WDR35: variants seen among roughly 807,000 people sequenced by gnomAD.
WDR35 encodes the protein WD repeat domain 35.
A neutral mutation model predicts 158.3 loss-of-function variants in WDR35; 118 were observed. That is an observed-to-expected ratio of 0.75 (90% CI 0.64 to 0.87). The LOEUF is 0.87. Among genes scored for constraint, WDR35 ranks in the 40% least tolerant of loss-of-function variants. The pLI is 0.00. For synonymous variants in WDR35, 448 were observed against 476.1 expected, an observed-to-expected ratio of 0.94 and a Z score of 0.77; for missense variants, 1,263 against 1,405.8, an observed-to-expected ratio of 0.90 and a Z score of 1.62.
At chr2:19,975,724 A>T (rs530524189) in intron 5 of WDR35, 61 bp from the exon 6 acceptor site, 3 of 1,608,428 alleles carry the variant, frequency 1.9e-6, no homozygotes, top group Non-Finnish European at 2.6e-6. Context: ...CGGCTTTCGA[A>T]ATCTTTGTTT....
chr2:19,953,698 G>A, intron 12 of WDR35, 136 bp downstream of exon 12: 1 of 1,144,136 alleles, frequency 8.7e-7, no homozygotes, highest in Non-Finnish European at 1.3e-6. Context: ...AAATTTTAAA[G>A]ATAATCAAAT....
At chr2:19,931,714 T>C (rs1670531232) in intron 23 of WDR35, among the ~76,000 whole-genome samples, 1 of 152,180 alleles carries the variant, frequency 6.6e-6, no homozygotes, top group African/African-American at 2.4e-5. Context: ...AATGCTGGTA[T>C]TTTCCATAAT....
chr2:19,966,801 C>A lies in WDR35; in HGVS notation c.1117G>T (p.Val373Leu). ...TKNNEKYVKY[V>L]KGLISITTCG... ...GTAGTAATAGAAATGAGACCCTTCACATATTTAACATATTTTTCATTGTTT... is the reference window on the plus strand; with the variant it reads ...GTAGTAATAGAAATGAGACCCTTCAAATATTTAACATATTTTTCATTGTTT... The change falls in exon 10 of 27, where the codon GTG becomes TTG. Residue 373 changes from valine to leucine, a missense_variant. Coordinates refer to ENST00000281405, the MANE Select transcript of WDR35 (RefSeq NM_020779.4). 1 of 1,613,954 alleles carries A rather than the reference C, an allele frequency of 6.2e-7. No homozygotes were observed. Among genetic ancestry groups the A allele is most frequent in the South Asian group, 1.1e-5 (1 of 91,058 alleles).
intron 17 of WDR35, 99 bp from the exon 18 acceptor site, chr2:19,938,500 A>T (rs1299025229): frequency 6.9e-6 from 10 of 1,443,592 alleles, no homozygotes; most frequent in African/African-American, 1.4e-5. Flanking sequence ...AACAAGAAAA[A>T]AAACGGCATC....
At chr2:19,982,887 T>C (rs1672430176) in intron 2 of WDR35, among the ~76,000 whole-genome samples, 1 of 152,168 alleles carries the variant, frequency 6.6e-6, no homozygotes, top group South Asian at 2.1e-4. Context: ...ACTTTGAAAA[T>C]GGGTTTTTAC....
chr2:19,973,823 C>T (rs1672107217), intron 7 of WDR35, 115 bp from the exon 8 acceptor site: 2 of 1,430,744 alleles, frequency 1.4e-6, no homozygotes, highest in South Asian at 1.2e-5. Flanking sequence ...TTTAAAAAAA[C>T]AGGGCTGGGT....
intron 25 of WDR35, among the ~76,000 whole-genome samples, chr2:19,929,525 T>A (rs1670462803): frequency 6.6e-6 from 1 of 152,206 alleles, no homozygotes; most frequent in South Asian, 2.1e-4. Flanking sequence ...GCTTACAACA[T>A]AATTATCATA....
At chr2:19,938,860 A>G (rs997592021) in intron 17 of WDR35, among the ~76,000 whole-genome samples, 5 of 151,842 alleles carry the variant, frequency 3.3e-5, no homozygotes, top group Admixed American at 3.3e-4. Flanking sequence ...AGCACCCCTA[A>G]CTCTTTTCTG....
At chr2:19,967,671 TAAACCATG>T (rs1245981269) in intron 9 of WDR35, among the ~76,000 whole-genome samples, 2 of 152,104 alleles carry the variant, frequency 1.3e-5, no homozygotes, top group African/African-American at 4.8e-5. Context: ...CAAACTAAGC[TAAACCATG>T]TTTAGCTTTT....
chr2:19,969,346 T>C (rs1671961065), intron 9 of WDR35, 134 bp downstream of exon 9: 3 of 922,188 alleles, frequency 3.3e-6, no homozygotes, highest in Non-Finnish European at 4.8e-6. Context: ...AGTTTACTAG[T>C]TCTAAAATCT....
intron 13 of WDR35, among the ~76,000 whole-genome samples, chr2:19,949,653 G>A (rs2103421131): frequency 6.6e-6 from 1 of 152,276 alleles, no homozygotes; most frequent in South Asian, 2.1e-4. Flanking sequence ...AAGACACACA[G>A]TATTTCCATT....
rs1346258672 is a variant in WDR35 at position 19,978,844 on chromosome 2, T to TATTTCGATTG, written c.333_342dup (p.Lys115GlnfsTer4). ...CAGCTCATACTGCGAACAACTGATT[T>TATTTCGATTG]ATTTCGATTGTTGATCATCTCCTCA... On this transcript the variant is annotated frameshift_variant, in exon 5 of 27. Transcript: ENST00000281405. LOFTEE classifies it high-confidence loss of function. 1 of 1,613,734 alleles carries TATTTCGATTG rather than the reference T, an allele frequency of 6.2e-7. No individual in the cohort carries two copies. The highest frequency in any genetic ancestry group is 2.2e-5 in the East Asian group (1 of 44,844).
chr2:19,969,130 C>T (rs1487108406), intron 9 of WDR35, among the ~76,000 whole-genome samples: 3 of 152,244 alleles, frequency 2.0e-5, no homozygotes, highest in Non-Finnish European at 4.4e-5. Context: ...CTTGCCCCTT[C>T]AGGCCCAGGG....
At chr2:19,955,835 T>C (rs1215801224) in intron 11 of WDR35, among the ~76,000 whole-genome samples, 2 of 152,216 alleles carry the variant, frequency 1.3e-5, no homozygotes, top group Admixed American at 6.5e-5. Flanking sequence ...ATGATGTTAA[T>C]TGAGTGGGTT....
chr2:19,922,365 T>C (rs746785555), intron 25 of WDR35, among the ~76,000 whole-genome samples: 3 of 152,134 alleles, frequency 2.0e-5, no homozygotes, highest in Non-Finnish European at 2.9e-5. Context: ...GCAGCACATA[T>C]ACACCAGGGA....
In WDR35 at chr2:19,933,400, C is replaced by G; in HGVS notation, c.2658+1G>C. ...CACAGACAGAAAGTTTCAGTTCCTA[C>G]TTGGTTGAGATGTACGCAGGTATCT... On this transcript the variant is annotated splice_donor_variant, in intron 22 of 26. Transcript: ENST00000281405. LOFTEE classifies it high-confidence loss of function. The G allele has an allele frequency of 3.1e-6, 5 of 1,612,444 alleles. No homozygotes were observed. The highest frequency in any genetic ancestry group is 4.2e-6 in the Non-Finnish European group (5 of 1,178,646).
chr2:19,957,785 T>C (rs1671497267), intron 11 of WDR35, among the ~76,000 whole-genome samples: 1 of 152,166 alleles, frequency 6.6e-6, no homozygotes, highest in Non-Finnish European at 1.5e-5. Context: ...ACTCCTGACC[T>C]CAGGTGATCT....
chr2:19,966,687 A>T (rs755814051), intron 10 of WDR35, 37 bp downstream of exon 10: 28 of 1,608,996 alleles, frequency 1.7e-5, no homozygotes, highest in Non-Finnish European at 2.0e-5. Context: ...CCAAGCAGTT[A>T]GCCCAGCTAT....
rs1281576821 is a variant in WDR35 at position 19,960,812 on chromosome 2, A to G, written c.1195-198T>C. On this transcript the variant is annotated intron_variant, in intron 10 of 26. Coordinates refer to ENST00000281405, the MANE Select transcript of WDR35 (RefSeq NM_020779.4). ...TAAATATAAAGAAAGATCAGTTAAT[A>G]CTAAACCAAGGCTGCTTTCTCAATG... Among the ~76,000 whole-genome samples the G allele has an allele frequency of 2.0e-5, 3 of 152,240 alleles. No homozygotes were observed. The East Asian group carries it at 5.8e-4, about 29-fold the overall frequency.
Sources: allele counts gnomAD v4.1 joint callset (sites outside exome capture counted in the v4.1 genomes callset), GRCh38; gene constraint gnomAD v4.1.1; transcripts MANE v1.5; gene names NCBI Gene and HGNC (gene_info 2026-07-23, HGNC 2026-07-21).